Variants in KIF27 observed in about 807,000 individuals in gnomAD.
KIF27 encodes the protein kinesin family member 27, also known as kinesin-like protein KIF27.
In KIF27, 84 loss-of-function variants were observed where a neutral mutation model predicts 141.8. The ratio of observed to expected loss-of-function variants is 0.59; its 90% CI spans 0.50 to 0.71. The LOEUF is 0.71. Ranked by LOEUF, KIF27 falls within the 30% of genes least tolerant of loss-of-function variation. The pLI is 0.00. For missense variants in KIF27, 1,306 were observed against 1,628.4 expected, an observed-to-expected ratio of 0.80 and a Z score of 3.41; for synonymous variants, 471 against 569.5, an observed-to-expected ratio of 0.83 and a Z score of 2.46.
Position 83,836,367 on chromosome 9 carries a change from T to C in KIF27, c.*634A>G, listed in dbSNP as rs1945837163. Among the ~76,000 whole-genome samples the C allele has an allele frequency of 6.6e-6, 1 of 152,176 alleles. No homozygotes were observed. Among genetic ancestry groups the C allele is most frequent in the Admixed American group, 6.5e-5 (1 of 15,270 alleles). On this transcript the variant is annotated 3_prime_UTR_variant, in exon 18 of 18. Transcript: ENST00000297814. ...AGCAGGAAAGACATGAAAACTTATA[T>C]TGCATAATATTAGCAAACATAAAAG...
At chr9:83,850,971 G>A (rs1273474741) in intron 15 of KIF27, among the ~76,000 whole-genome samples, 2 of 149,072 alleles carry the variant, frequency 1.3e-5, no homozygotes, top group Admixed American at 6.8e-5. Context: ...CCAAGTAGCT[G>A]GGACTACAGG....
intron 5 of KIF27, among the ~76,000 whole-genome samples, chr9:83,892,386 C>T (rs1483093072): frequency 1.3e-5 from 2 of 151,614 alleles, no homozygotes; most frequent in Non-Finnish European, 2.9e-5. Flanking sequence ...ATAAAAGTAC[C>T]AATTAATATT....
intron 2 of KIF27, among the ~76,000 whole-genome samples, chr9:83,910,839 T>C (rs1258747443): frequency 6.6e-6 from 1 of 152,140 alleles, no homozygotes; most frequent in African/African-American, 2.4e-5. Context: ...TAGGAGGGAC[T>C]CAAACAGATA....
chr9:83,852,910 A>G (rs1261493862), intron 15 of KIF27, among the ~76,000 whole-genome samples: 2 of 152,158 alleles, frequency 1.3e-5, no homozygotes, highest in Non-Finnish European at 2.9e-5. Context: ...TGGCCTTAGG[A>G]CTTTATTTTA....
chr9:83,868,496 CAAAAAT>C (rs1950540746), intron 12 of KIF27: 1 of 151,828 alleles, frequency 6.6e-6, no homozygotes, highest in Non-Finnish European at 1.5e-5. Flanking sequence ...AGAAAAAAAA[CAAAAAT>C]AAAAAATTGC....
intron 1 of KIF27, among the ~76,000 whole-genome samples, chr9:83,916,276 G>A (rs1046432314): frequency 5.9e-5 from 9 of 152,050 alleles, no homozygotes; most frequent in African/African-American, 1.9e-4. Context: ...CAGGTGACCC[G>A]CCCGCCTCGG....
At chr9:83,892,223 T>C (rs1227880361) in intron 5 of KIF27, among the ~76,000 whole-genome samples, 1 of 152,200 alleles carries the variant, frequency 6.6e-6, no homozygotes, top group Non-Finnish European at 1.5e-5. Flanking sequence ...TCACATGTAC[T>C]ACAATGTTGA....
Position 83,880,463 on chromosome 9 carries a change from T to G in KIF27, c.2477A>C (p.Lys826Thr), listed in dbSNP as rs1951583856. Residue 826 changes from lysine (K) to threonine (T), a missense_variant, in exon 11 of 18, where the codon AAA (lysine) becomes ACA (threonine). Around this residue, in one of 4 missense-constraint regions of KIF27, gnomAD observed 596 missense variants for 751.6 expected, o/e 0.79. Coordinates refer to ENST00000297814, the MANE Select transcript of KIF27 (RefSeq NM_017576.4). ...VLQKKQQDSK[K>T]LASLSIQNEK... ...ATTTTGGATTGACAGTGATGCCAGT[T>G]TCTTACTATCTTGTTGCTTCTTCTG... 6.2e-7 allele frequency: 1 copy of G among 1,612,488 alleles called. No homozygotes were observed. Among genetic ancestry groups the G allele is most frequent in the African/African-American group, 1.3e-5 (1 of 75,038 alleles).
At chr9:83,901,603 G>A (rs1432336670) in intron 4 of KIF27, among the ~76,000 whole-genome samples, 2 of 152,070 alleles carry the variant, frequency 1.3e-5, no homozygotes, top group African/African-American at 2.4e-5. Flanking sequence ...GGCCGGGTGC[G>A]GTGGCTCATG....
At chr9:83,859,565 C>A in intron 13 of KIF27, 194 bp from the exon 14 acceptor site, 2 of 548,304 alleles carry the variant, frequency 3.6e-6, no homozygotes, top group East Asian at 3.1e-5. Context: ...GAGTTTTGCT[C>A]TTGTTCCCCA....
intron 1 of KIF27, among the ~76,000 whole-genome samples, chr9:83,917,626 A>C (rs554630930): frequency 2.0e-5 from 3 of 152,214 alleles, no homozygotes; most frequent in Non-Finnish European, 4.4e-5. Context: ...AACAGAATAG[A>C]ATTGAGAATC....
intron 13 of KIF27, among the ~76,000 whole-genome samples, chr9:83,867,254 T>C (rs550283306): frequency 2.6e-5 from 4 of 152,330 alleles, no homozygotes; most frequent in African/African-American, 9.6e-5. Flanking sequence ...CATCACTTGA[T>C]GAACATTTGT....
chr9:83,850,069 C>T (rs772977990), intron 16 of KIF27, 30 bp downstream of exon 16: 1 of 1,584,082 alleles, frequency 6.3e-7, no homozygotes, highest in South Asian at 1.1e-5. Flanking sequence ...TACACATCAA[C>T]CTTACATAAC....
At chr9:83,914,233 T>G (rs1182558332) in intron 2 of KIF27, among the ~76,000 whole-genome samples, 2 of 149,764 alleles carry the variant, frequency 1.3e-5, no homozygotes, top group Admixed American at 1.3e-4. Flanking sequence ...AACCCTACAA[T>G]CCTAAAGAAA....
intron 9 of KIF27, 59 bp from the exon 10 acceptor site, chr9:83,884,077 A>C (rs1357075022): frequency 3.3e-5 from 40 of 1,216,044 alleles, no homozygotes; most frequent in Non-Finnish European, 3.8e-5. Context: ...TTAAACATCC[A>C]AAACATAAAA....
At chr9:83,842,505 C>G in intron 16 of KIF27, 104 bp from the exon 17 acceptor site, 7 of 1,372,148 alleles carry the variant, frequency 5.1e-6, no homozygotes, top group Non-Finnish European at 6.6e-6. Flanking sequence ...CACTGTCGCC[C>G]AGGCTAGAGT....
chr9:83,870,485 A>G, intron 12 of KIF27, 34 bp downstream of exon 12: 1 of 1,611,816 alleles, frequency 6.2e-7, no homozygotes, highest in Non-Finnish European at 8.5e-7. Flanking sequence ...CAGATTGAAG[A>G]GAAACCAGGA....
chr9:83,853,338 G>A (rs1948823321), intron 15 of KIF27, among the ~76,000 whole-genome samples: 1 of 151,938 alleles, frequency 6.6e-6, no homozygotes, highest in Non-Finnish European at 1.5e-5. Context: ...AAGAAATAAT[G>A]AGCAAGGAAT....
intron 9 of KIF27, among the ~76,000 whole-genome samples, chr9:83,885,192 C>T (rs187938964): frequency 3.9e-5 from 6 of 152,120 alleles, no homozygotes; most frequent in Admixed American, 3.9e-4. Flanking sequence ...TCCTGGGTTC[C>T]AGCAATTCTC....
Sources: allele counts gnomAD v4.1 joint callset (sites outside exome capture counted in the v4.1 genomes callset), GRCh38; gene constraint gnomAD v4.1.1; regional missense constraint gnomAD v4.1.1; transcripts MANE v1.5; gene names NCBI Gene and HGNC (gene_info 2026-07-23, HGNC 2026-07-21).